Variants in NEXMIF observed in about 807,000 individuals in gnomAD.
NEXMIF encodes neurite extension and migration factor.
NEXMIF carries 8 observed loss-of-function variants against 62.1 expected under a neutral mutation model. The observed-to-expected ratio is 0.13, with a 90% CI of 0.08 to 0.23. The LOEUF (loss-of-function observed/expected upper bound fraction) is 0.23. NEXMIF is among the 10% of genes least tolerant of loss of function. The probability of loss-of-function intolerance (pLI) is 1.00; values close to 1 mark genes in which losing one functional copy is unlikely to be tolerated. For missense variants in NEXMIF, 976 were observed against 1,113.3 expected, an observed-to-expected ratio of 0.88 and a Z score of 1.75; for synonymous variants, 404 against 416.6, an observed-to-expected ratio of 0.97 and a Z score of 0.37.
intron 1 of NEXMIF, among the ~76,000 whole-genome samples, chrX:74,808,295 T>G (rs192476163): frequency 4.4e-4 from 49 of 110,808 alleles, no homozygotes; most frequent in Admixed American, 6.7e-4. Context: ...TCTCAGCTAC[T>G]TGGGAGGCTG....
At chrX:74,856,584 G>A (rs1249874974) in intron 1 of NEXMIF, among the ~76,000 whole-genome samples, 1 of 110,675 alleles carries the variant, frequency 9.0e-6, no homozygotes, top group African/African-American at 3.3e-5. Context: ...TAATGGAGGG[G>A]AGAGGGCAGA....
chrX:74,857,432 C>T (rs2080539387), intron 1 of NEXMIF, among the ~76,000 whole-genome samples: 1 of 111,956 alleles, frequency 8.9e-6, no homozygotes, highest in Non-Finnish European at 1.9e-5. Context: ...TACCCGTTGC[C>T]TTCAAGGGAA....
rs1333011930 is a variant in NEXMIF, at chrX:74,736,048, G to C, written c.*3357C>G. The C allele has an allele frequency of 9.0e-6, 1 of 111,270 alleles. No individual in the cohort carries two copies. The highest frequency in any genetic ancestry group is 1.9e-5 in the Non-Finnish European group (1 of 53,099). 9.2% of individuals were successfully genotyped at this position (111,270 alleles called of 1,213,427 possible). The stretch of plus-strand genomic sequence containing the variant: ...CGAGTGTGTGTTTAAAATTATATTT[G>C]AGGGATGAAATACCACCTATTGGGT... On this transcript the variant is annotated 3_prime_UTR_variant, in exon 4 of 4. Transcript: ENST00000055682.
At chrX:74,870,249 G>A (rs2488709) in intron 1 of NEXMIF, among the ~76,000 whole-genome samples, 5 of 109,795 alleles carry the variant, frequency 4.6e-5, no homozygotes, top group Non-Finnish European at 7.6e-5. Context: ...TAAACGGTGC[G>A]GGGAAACTGG....
At chrX:74,882,333 C>T (rs1226704363) in intron 1 of NEXMIF, among the ~76,000 whole-genome samples, 17 of 111,748 alleles carry the variant, frequency 1.5e-4, no homozygotes, top group Admixed American at 1.5e-3. Context: ...GTGCGTGAGT[C>T]GAAGGAGGTC....
At chrX:74,917,505 C>T (rs1324025847) in intron 1 of NEXMIF, among the ~76,000 whole-genome samples, 1 of 112,126 alleles carries the variant, frequency 8.9e-6, no homozygotes, top group East Asian at 2.8e-4. Context: ...GCAGATGTGG[C>T]ATATATTTGT....
chrX:74,811,160 A>G (rs2080359272), intron 1 of NEXMIF, among the ~76,000 whole-genome samples: 1 of 111,910 alleles, frequency 8.9e-6, no homozygotes, highest in Admixed American at 9.5e-5. Flanking sequence ...TTTAAACCCT[A>G]AAGCTGCATT....
At position 74,743,502 on chromosome X, in the gene NEXMIF, C is replaced by G; in HGVS notation, c.1055G>C (p.Ser352Thr). The G allele has an allele frequency of 8.3e-7, 1 of 1,211,435 alleles. No individual in the cohort carries two copies. Among genetic ancestry groups the G allele is most frequent in the Non-Finnish European group, 1.1e-6 (1 of 895,485 alleles). Residue 352 changes from serine to threonine, a missense_variant, in exon 3 of 4, where the codon AGT becomes ACT. Transcript: ENST00000055682. ...ATCACTGCTCTGCTTCAGGGCCCCACTCTTAGACTCTCGCTTGGGGCAGGT... is the reference window on the plus strand; with the variant it reads ...ATCACTGCTCTGCTTCAGGGCCCCAGTCTTAGACTCTCGCTTGGGGCAGGT... Reference protein sequence around the residue: ...FTTCPKRESKSGALKQSSDFS... With the variant: ...FTTCPKRESKTGALKQSSDFS...
chrX:74,869,765 G>C (rs2080593498), intron 1 of NEXMIF, among the ~76,000 whole-genome samples: 1 of 111,448 alleles, frequency 9.0e-6, no homozygotes, highest in African/African-American at 3.3e-5. Context: ...AACCAAAGAA[G>C]TGAAATATCT....
chrX:74,924,422 A>G (rs1425933502), intron 1 of NEXMIF, among the ~76,000 whole-genome samples: 1 of 112,865 alleles, frequency 8.9e-6, no homozygotes, highest in Non-Finnish European at 1.9e-5. Context: ...CCGGCTTCGC[A>G]CCTTTGCGGC....
At chrX:74,923,021 A>G (rs1305488678) in intron 1 of NEXMIF, among the ~76,000 whole-genome samples, 1 of 111,966 alleles carries the variant, frequency 8.9e-6, no homozygotes, top group Non-Finnish European at 1.9e-5. Flanking sequence ...ACTAGCATGC[A>G]TGCAATCTAT....
chrX:74,907,785 C>T (rs937726334), intron 1 of NEXMIF, among the ~76,000 whole-genome samples: 4 of 111,436 alleles, frequency 3.6e-5, no homozygotes, highest in South Asian at 3.8e-4. Context: ...ATCAATCTGT[C>T]GCCTGAATCA....
chrX:74,790,895 C>G (rs1441832147), intron 1 of NEXMIF, among the ~76,000 whole-genome samples: 1 of 109,596 alleles, frequency 9.1e-6, no homozygotes, highest in African/African-American at 3.3e-5. Flanking sequence ...ATGGGGTTTT[C>G]TAGATATACA....
Position 74,865,604 on chromosome X carries a change from G to A in NEXMIF, c.-48+59279C>T, listed in dbSNP as rs186371938. ...GAAAACATCTCCAGGCCATGTCAGA[G>A]ACCTTCATGGCAGAGCCTCCCATCA... On this transcript the variant is annotated intron_variant, in intron 1 of 3. Transcript: ENST00000055682. 4.5e-4 allele frequency among the ~76,000 whole-genome samples: 51 copies of A among 112,109 alleles called. No homozygotes were observed. The East Asian group carries it at 0.011, about 24-fold the overall frequency.
chrX:74,845,706 T>C (rs1357747280), intron 1 of NEXMIF, among the ~76,000 whole-genome samples: 1 of 111,518 alleles, frequency 9.0e-6, no homozygotes, highest in Non-Finnish European at 1.9e-5. Context: ...ATGGCAACTT[T>C]TTTTGAACAC....
At chrX:74,876,383 C>T (rs1231858243) in intron 1 of NEXMIF, among the ~76,000 whole-genome samples, 3 of 111,631 alleles carry the variant, frequency 2.7e-5, no homozygotes, top group Admixed American at 9.5e-5. Flanking sequence ...TGTTCTTTTA[C>T]ATTTGCTGAG....
intron 1 of NEXMIF, among the ~76,000 whole-genome samples, chrX:74,872,017 G>A (rs757115787): frequency 9.0e-6 from 1 of 111,438 alleles, no homozygotes; most frequent in Non-Finnish European, 1.9e-5. Flanking sequence ...GTATTAATTG[G>A]GGAAGTGATA....
intron 1 of NEXMIF, among the ~76,000 whole-genome samples, chrX:74,879,947 A>G (rs2080656031): frequency 8.9e-6 from 1 of 111,835 alleles, no homozygotes; most frequent in Non-Finnish European, 1.9e-5. Context: ...TGGGGAAATG[A>G]TCATACATTG....
At chrX:74,745,050 C>T (rs1025130223) in intron 2 of NEXMIF, among the ~76,000 whole-genome samples, 4 of 108,596 alleles carry the variant, frequency 3.7e-5, no homozygotes, top group Non-Finnish European at 7.6e-5. Flanking sequence ...GGCGTGATCT[C>T]GGCTCCCTGC....
Sources: allele counts gnomAD v4.1 joint callset (sites outside exome capture counted in the v4.1 genomes callset), GRCh38; gene constraint gnomAD v4.1.1; transcripts MANE v1.5; gene names NCBI Gene and HGNC (gene_info 2026-07-23, HGNC 2026-07-21).